BSN: variants seen among roughly 807,000 people sequenced by gnomAD.
BSN encodes the protein bassoon presynaptic cytomatrix protein.
In BSN, 57 loss-of-function variants were observed where a neutral mutation model predicts 264.8. The ratio of observed to expected loss-of-function variants is 0.22; its 90% CI spans 0.17 to 0.27. The LOEUF (loss-of-function observed/expected upper bound fraction) is 0.27. Among genes scored for constraint, BSN ranks in the 10% least tolerant of loss-of-function variants. The pLI is 1.00. For missense variants in BSN, 4,615 were observed against 5,232.5 expected (o/e 0.88, Z 3.64); for synonymous variants, 2,059 against 2,137.3 (o/e 0.96, Z 1.01).
rs369569662 is a variant in BSN at position 49,577,884 on chromosome 3, G to A, written c.224+23058G>A. 1.1e-3 allele frequency among the ~76,000 whole-genome samples: 174 copies of A among 152,254 alleles called. 6 individuals carry two copies. The South Asian group carries it at 0.035, about 31-fold the overall frequency. On this transcript the variant is annotated intron_variant, in intron 1 of 11. Coordinates refer to ENST00000296452, the MANE Select transcript of BSN (RefSeq NM_003458.4). ...TAGTTTTCTTGGAAAAAATGGAAATGATAAGAATACCCACCTGTGTGGTTG... is the reference window on the plus strand; with the variant it reads ...TAGTTTTCTTGGAAAAAATGGAAATAATAAGAATACCCACCTGTGTGGTTG...
At chr3:49,570,226 A>C (rs1411780529) in intron 1 of BSN, among the ~76,000 whole-genome samples, 1 of 152,200 alleles carries the variant, frequency 6.6e-6, no homozygotes, top group East Asian at 1.9e-4. Context: ...CCCATAGAGC[A>C]GAGTCAGAAG....
intron 1 of BSN, among the ~76,000 whole-genome samples, chr3:49,619,786 G>A (rs745589955): frequency 1.3e-5 from 2 of 152,152 alleles, no homozygotes; most frequent in Non-Finnish European, 2.9e-5. Flanking sequence ...GAGAAGGGCC[G>A]AGTGTCATGC....
At chr3:49,596,222 G>A (rs1218994658) in intron 1 of BSN, among the ~76,000 whole-genome samples, 1 of 152,066 alleles carries the variant, frequency 6.6e-6, no homozygotes, top group African/African-American at 2.4e-5. Context: ...GGCTAACACG[G>A]TGAAACCCTG....
Position 49,642,922 on chromosome 3 carries a change from C to A in BSN, c.1288C>A (p.Pro430Thr). 6.2e-7 allele frequency: 1 copy of A among 1,614,012 alleles called. No individual in the cohort carries two copies. The highest frequency in any genetic ancestry group is 8.5e-7 in the Non-Finnish European group (1 of 1,180,034). Residue 430 changes from proline (P) to threonine (T), a missense_variant, in exon 3 of 12, where the codon CCG (proline) becomes ACG (threonine). Physicochemically the swap from Pro to Thr is conservative, Grantham distance 38 (BLOSUM62 -1). Around this residue, in one of 3 missense-constraint regions of BSN, gnomAD observed 1,197 missense variants for 1,348.0 expected, o/e 0.89. Coordinates refer to ENST00000296452, the MANE Select transcript of BSN (RefSeq NM_003458.4). The surrounding 1 kb of genome is among the most constrained non-coding windows in gnomAD (Gnocchi z 7.0). ...TCCTGGATCTGGACCTGGAGCCCTG[C>A]CGAAAACTGGGGGAACAACCAGTCC... Reference protein sequence around the residue: ...MGPGSGPGALPKTGGTTSPKH... With the variant: ...MGPGSGPGALTKTGGTTSPKH...
chr3:49,561,502 G>A (rs1244043827), intron 1 of BSN, among the ~76,000 whole-genome samples: 2 of 152,146 alleles, frequency 1.3e-5, no homozygotes, highest in African/African-American at 4.8e-5. Context: ...TGTTACATTT[G>A]TGTTTGCAGG....
Position 49,657,676 on chromosome 3 carries a change from C to T in BSN, c.8120C>T (p.Pro2707Leu), listed in dbSNP as rs2052620996. 1.3e-6 allele frequency: 2 copies of T among 1,568,224 alleles called. No individual in the cohort carries two copies. Among genetic ancestry groups the T allele is most frequent in the African/African-American group, 1.3e-5 (1 of 74,240 alleles). The change falls in exon 5 of 12, where the codon CCA becomes CTA. Residue 2707 changes from proline to leucine, a missense_variant. This residue lies in a region of BSN where 3,415 missense variants were observed against 3,866.4 expected (regional missense o/e 0.88). Transcript: ENST00000296452. The part of the protein sequence containing the change: ...KVEIVRYISA[P>L]EKTGRGESLA... ...GAGATCGTCAGGTACATATCGGCGC[C>T]AGAGAAGACTGGGCGTGGGGAGAGC...
intron 1 of BSN, among the ~76,000 whole-genome samples, chr3:49,574,166 C>T (rs1466479247): frequency 7.4e-6 from 1 of 134,792 alleles, no homozygotes; most frequent in Non-Finnish European, 1.6e-5. Flanking sequence ...TGGGGTTTCG[C>T]CATGTTGCCC....
At chr3:49,664,024 C>T (rs974644709) in intron 8 of BSN, 138 bp downstream of exon 8, 1 of 843,752 alleles carries the variant, frequency 1.2e-6, no homozygotes, top group Non-Finnish European at 1.8e-6. Context: ...GGCTGTAGAC[C>T]TCCCCAGCAG....
intron 1 of BSN, among the ~76,000 whole-genome samples, chr3:49,624,105 A>G (rs2052323699): frequency 1.3e-5 from 2 of 151,566 alleles, no homozygotes; most frequent in Admixed American, 6.6e-5. Context: ...GGTTCACGCC[A>G]TTCTTCTGCC....
rs374936018 is a variant in BSN, at chr3:49,663,143, C to T, written c.10985C>T (p.Pro3662Leu). The T allele has an allele frequency of 4.2e-5, 67 of 1,612,298 alleles. No individual in the cohort carries two copies. Among genetic ancestry groups the T allele is most frequent in the Non-Finnish European group, 5.2e-5 (61 of 1,179,688 alleles). Residue 3662 changes from proline to leucine, a missense_variant, in exon 7 of 12, where the codon CCG becomes CTG. Around this residue, in one of 3 missense-constraint regions of BSN, gnomAD observed 3,415 missense variants for 3,866.4 expected, o/e 0.88. Transcript: ENST00000296452. ...RHSGRHTGEE[P>L]GRRAAKPHAR... ...TCAGGCCGCCACACTGGTGAGGAGC[C>T]GGGACGGCGTGCTGCCAAACCACAC...
intron 2 of BSN, chr3:49,641,897 A>G (rs1575445112): frequency 4.8e-6 from 1 of 208,042 alleles, no homozygotes; most frequent in African/African-American, 2.3e-5. Context: ...AATGGCCTGA[A>G]GTGGGAAGCA....
rs776116814 is a variant in BSN at position 49,656,988 on chromosome 3, C to A, written c.7432C>A (p.Pro2478Thr). The A allele has an allele frequency of 2.6e-5, 42 of 1,609,844 alleles. No individual in the cohort carries two copies. In the East Asian group the frequency reaches 6.2e-4, roughly 24 times the overall value. Reference protein sequence around the residue: ...EQKQRQKAPFPAACEAPGRGP... With the variant: ...EQKQRQKAPFTAACEAPGRGP... ...GAAGCAGCGGCAGAAGGCTCCCTTT[C>A]CTGCAGCCTGTGAGGCACCTGGCCG... The change falls in exon 5 of 12, where the codon CCT becomes ACT. Residue 2478 changes from proline to threonine, a missense_variant. By Grantham distance (38) the Pro-to-Thr change is conservative. This residue lies in a region of BSN where 3,415 missense variants were observed against 3,866.4 expected (regional missense o/e 0.88). Transcript: ENST00000296452.
chr3:49,664,497 G>C lies in BSN; in HGVS notation c.11683G>C (p.Val3895Leu). ...CCAGCCAGGTGCCGATGGGGAGAGC[G>C]TGTTCTCCAAGATCCTCCCTGGCGG... Reference protein sequence around the residue: ...AGQPGADGESVFSKILPGGAA... With the variant: ...AGQPGADGESLFSKILPGGAA... Residue 3895 changes from valine (V) to leucine (L), a missense_variant, in exon 9 of 12, where the codon GTG becomes CTG. Physicochemically the swap from Val to Leu is conservative, Grantham distance 32 (BLOSUM62 1). This residue lies in a region of BSN where 3,415 missense variants were observed against 3,866.4 expected (regional missense o/e 0.88). Coordinates refer to ENST00000296452, the MANE Select transcript of BSN (RefSeq NM_003458.4). 1 of 1,612,964 alleles carries C rather than the reference G, an allele frequency of 6.2e-7. No individual in the cohort carries two copies. The highest frequency in any genetic ancestry group is 1.1e-5 in the South Asian group (1 of 91,002).
In BSN at chr3:49,649,611, G is replaced by A. The variant is rs186725719; in HGVS notation, c.1519-1001G>A. On this transcript the variant is annotated intron_variant, in intron 3 of 11. Transcript: ENST00000296452. ...GGCCTCAGAGATGCCCAAACCCTATGCCTGTACAAAGCAGCTGGGGCTGGG... is the reference window on the plus strand; with the variant it reads ...GGCCTCAGAGATGCCCAAACCCTATACCTGTACAAAGCAGCTGGGGCTGGG... Among the ~76,000 whole-genome samples the A allele has an allele frequency of 2.0e-5, 3 of 152,172 alleles. No homozygotes were observed. The East Asian group carries it at 5.8e-4, about 29-fold the overall frequency.
chr3:49,618,540 A>G (rs771643434), intron 1 of BSN, among the ~76,000 whole-genome samples: 4 of 152,180 alleles, frequency 2.6e-5, no homozygotes, highest in African/African-American at 7.2e-5. Context: ...TAGCTTCCCA[A>G]TTAGCTCAGG....
chr3:49,589,010 G>T (rs1370021314), intron 1 of BSN, among the ~76,000 whole-genome samples: 1 of 150,734 alleles, frequency 6.6e-6, no homozygotes, highest in Non-Finnish European at 1.5e-5. Context: ...CGCCTCCCGC[G>T]TTTACGCCAT....
In BSN at chr3:49,631,633, T is replaced by C. The variant is rs529095667; in HGVS notation, c.633+6250T>C. On this transcript the variant is annotated intron_variant, in intron 2 of 11. Transcript: ENST00000296452. The stretch of plus-strand genomic sequence containing the variant: ...GCTGTAGAATGTCAGAATTGCTGGA[T>C]GGGAGGCAGTTGGAAAAAGAGGAGG... 1.8e-3 allele frequency among the ~76,000 whole-genome samples: 273 copies of C among 151,156 alleles called. 11 individuals are homozygous for C. In the South Asian group the frequency reaches 0.055, roughly 30 times the overall value.
At chr3:49,629,481 C>T (rs1436854742) in intron 2 of BSN, among the ~76,000 whole-genome samples, 1 of 152,236 alleles carries the variant, frequency 6.6e-6, no homozygotes, top group Non-Finnish European at 1.5e-5. Flanking sequence ...GGAATATGAA[C>T]CGTGGCCTGG....
intron 1 of BSN, among the ~76,000 whole-genome samples, chr3:49,598,440 C>G (rs2052042670): frequency 6.6e-6 from 1 of 152,172 alleles, no homozygotes; most frequent in Non-Finnish European, 1.5e-5. Context: ...GGGGTCACCC[C>G]TGGGTGAGAG....
Sources: gnomAD v4.1 joint callset for allele counts (sites outside exome capture counted in the v4.1 genomes callset) on GRCh38, gnomAD v4.1.1 for gene constraint, gnomAD v4.1.1 regional missense constraint, Gnocchi (gnomAD v3.1) non-coding constraint, MANE v1.5 for transcripts, NCBI Gene and HGNC (gene_info 2026-07-23, HGNC 2026-07-21) for gene names.